The following BZW2 variants were observed in gnomAD, a reference collection of about 807,000 sequenced individuals.
BZW2 encodes the protein eIF5-mimic protein 1.
A neutral mutation model predicts 53.2 loss-of-function variants in BZW2; 23 were observed. The ratio of observed to expected loss-of-function variants is 0.43; its 90% CI spans 0.31 to 0.61. The LOEUF is 0.61. BZW2 is among the 20% of genes least tolerant of loss of function. BZW2 has a pLI of 0.09. For synonymous variants in BZW2, 227 were observed against 186.4 expected, an observed-to-expected ratio of 1.22 and a Z score of -1.77; for missense variants, 409 against 503.1, an observed-to-expected ratio of 0.81 and a Z score of 1.79.
At position 16,664,042 on chromosome 7, in the gene BZW2, A is replaced by G. The variant is rs146164676; in HGVS notation, c.-7-1395A>G. ...TATTGCATAGAAAACCATATATTCT[A>G]TACACCCTCCTTTTAACCAAGTACT... On this transcript the variant is annotated intron_variant, in intron 1 of 11. Transcript: ENST00000258761. Among the ~76,000 whole-genome samples the G allele has an allele frequency of 1.2e-3, 187 of 152,338 alleles. 3 individuals carry two copies. In the East Asian group the frequency reaches 0.028, roughly 23 times the overall value.
chr7:16,678,937 G>C (rs1782853475), intron 3 of BZW2, among the ~76,000 whole-genome samples: 1 of 152,052 alleles, frequency 6.6e-6, no homozygotes, highest in Non-Finnish European at 1.5e-5. Context: ...ATGCTTCAAA[G>C]GCAATAAAAT....
intron 1 of BZW2, among the ~76,000 whole-genome samples, chr7:16,661,565 A>C (rs899601140): frequency 6.6e-6 from 1 of 152,198 alleles, no homozygotes; most frequent in South Asian, 2.1e-4. Flanking sequence ...TTCAATTTAC[A>C]CTTAAAATAG....
intron 9 of BZW2, 117 bp from the exon 10 acceptor site, chr7:16,697,931 C>T: frequency 7.8e-7 from 1 of 1,284,092 alleles, no homozygotes; most frequent in Non-Finnish European, 1.1e-6. Context: ...TAAAAGGTGT[C>T]AATCCTGAAA....
In BZW2 at chr7:16,689,041, C is replaced by G. The variant is rs539794925; in HGVS notation, c.542-756C>G. On this transcript the variant is annotated intron_variant, in intron 6 of 11. Coordinates refer to ENST00000258761, the MANE Select transcript of BZW2 (RefSeq NM_014038.3). ...AAGCGTTCAGGACTAGCCTGCCCAA[C>G]ATGGCGAAACCCTGTCTCTACTAAA... 1.2e-4 allele frequency among the ~76,000 whole-genome samples: 19 copies of G among 152,260 alleles called. No individual in the cohort carries two copies. The East Asian group carries it at 3.7e-3, about 29-fold the overall frequency.
Position 16,706,127 on chromosome 7 carries a change from A to C in BZW2, c.*39A>C, listed in dbSNP as rs373090698. 3 of 1,603,232 alleles carry C rather than the reference A, an allele frequency of 1.9e-6. No individual in the cohort carries two copies. Among genetic ancestry groups the C allele is most frequent in the Admixed American group, 1.7e-5 (1 of 58,970 alleles). On this transcript the variant is annotated 3_prime_UTR_variant, in exon 12 of 12. Transcript: ENST00000258761. ...CACAATACCTAGGTTACCACACACC[A>C]CTTTTTGATTGGGAATGCTGAACCA...
At chr7:16,670,403 A>G (rs191314324) in intron 2 of BZW2, among the ~76,000 whole-genome samples, 373 of 152,260 alleles carry the variant, frequency 2.4e-3, no homozygotes, top group Non-Finnish European at 4.6e-3. Flanking sequence ...ACATTTCCCA[A>G]TGCCTCCATT....
At chr7:16,702,104 A>G (rs969494268) in intron 10 of BZW2, among the ~76,000 whole-genome samples, 4 of 152,166 alleles carry the variant, frequency 2.6e-5, no homozygotes, top group Admixed American at 6.6e-5. Context: ...TATATTCCTA[A>G]TAGGCATTTA....
At chr7:16,693,637 A>G (rs1238825398) in intron 7 of BZW2, among the ~76,000 whole-genome samples, 2 of 152,222 alleles carry the variant, frequency 1.3e-5, no homozygotes, top group Non-Finnish European at 2.9e-5. Flanking sequence ...GGAAAGTGCC[A>G]GTACATTTTG....
At chr7:16,686,075 A>G (rs199822050) in intron 6 of BZW2, 35 bp downstream of exon 6, 9 of 1,606,974 alleles carry the variant, frequency 5.6e-6, no homozygotes, top group East Asian at 4.5e-5. Context: ...CTGTCAGACA[A>G]CAAAAGAAAA....
At chr7:16,658,633 T>C (rs896583254) in intron 1 of BZW2, among the ~76,000 whole-genome samples, 1 of 152,000 alleles carries the variant, frequency 6.6e-6, no homozygotes, top group Non-Finnish European at 1.5e-5. Flanking sequence ...TCCCAGCACT[T>C]TGGGAGGCCG....
intron 5 of BZW2, 26 bp from the exon 6 acceptor site, chr7:16,685,879 T>C: frequency 1.7e-6 from 1 of 585,758 alleles, no homozygotes; most frequent in Non-Finnish European, 2.5e-6. Context: ...TCTTTTTCTT[T>C]TTTTTTTTTT....
chr7:16,667,816 T>G (rs1782476806), intron 2 of BZW2, among the ~76,000 whole-genome samples: 1 of 152,222 alleles, frequency 6.6e-6, no homozygotes, highest in Admixed American at 6.5e-5. Flanking sequence ...ATGAGAAGAA[T>G]AAGTACAAGT....
At chr7:16,656,237 C>A (rs202055474) in intron 1 of BZW2, among the ~76,000 whole-genome samples, 2 of 151,796 alleles carry the variant, frequency 1.3e-5, no homozygotes, top group South Asian at 2.1e-4. Context: ...TGGAACAGTT[C>A]TTCAACCTTT....
chr7:16,697,430 C>A (rs1783534521), intron 9 of BZW2, among the ~76,000 whole-genome samples: 1 of 152,158 alleles, frequency 6.6e-6, no homozygotes, highest in African/African-American at 2.4e-5. Context: ...TGGGTTCCAA[C>A]TACAATTACC....
intron 2 of BZW2, among the ~76,000 whole-genome samples, chr7:16,671,336 G>A (rs1004349892): frequency 2.0e-5 from 3 of 152,184 alleles, no homozygotes; most frequent in South Asian, 4.1e-4. Context: ...AAAAAATAAC[G>A]TTATTTTGTT....
chr7:16,657,316 A>T (rs532778747), intron 1 of BZW2, among the ~76,000 whole-genome samples: 3 of 152,372 alleles, frequency 2.0e-5, no homozygotes, highest in Middle Eastern at 3.4e-3. Context: ...AGCCAAGATC[A>T]CATCATGTAT....
At chr7:16,647,488 C>G (rs1001128573) in intron 1 of BZW2, among the ~76,000 whole-genome samples, 36 of 152,146 alleles carry the variant, frequency 2.4e-4, no homozygotes, top group African/African-American at 8.7e-4. Flanking sequence ...CTGCCTTTAG[C>G]AAAAATCTTT....
At chr7:16,701,077 A>G (rs76387218) in intron 10 of BZW2, among the ~76,000 whole-genome samples, 4,626 of 152,266 alleles carry the variant, frequency 0.03, 107 homozygotes, top group Non-Finnish European at 0.047. Flanking sequence ...AATCTTTTAC[A>G]TAAATAACAG....
chr7:16,678,339 C>T (rs574742528), intron 3 of BZW2, among the ~76,000 whole-genome samples: 49 of 151,866 alleles, frequency 3.2e-4, no homozygotes, highest in Non-Finnish European at 6.8e-4. Flanking sequence ...GCCACCACGC[C>T]CGGCCCCATT....
Sources: gnomAD v4.1 joint callset for allele counts (sites outside exome capture counted in the v4.1 genomes callset) on GRCh38, gnomAD v4.1.1 for gene constraint, MANE v1.5 for transcripts, NCBI Gene and HGNC (gene_info 2026-07-23, HGNC 2026-07-21) for gene names.